Variants in KCNIP1 observed in about 807,000 individuals in gnomAD.
KCNIP1 encodes potassium voltage-gated channel interacting protein 1.
In KCNIP1, 18 loss-of-function variants were observed where a neutral mutation model predicts 33.0. The observed-to-expected ratio is 0.55, with a 90% CI of 0.38 to 0.81. KCNIP1 has a LOEUF of 0.81. Ranked by LOEUF, KCNIP1 falls within the 30% of genes least tolerant of loss-of-function variation. The pLI, the probability that KCNIP1 is intolerant of heterozygous loss-of-function variation, is 0.00. For missense variants in KCNIP1, 238 were observed against 271.6 expected (o/e 0.88, Z 0.87); for synonymous variants, 93 against 98.3 (o/e 0.95, Z 0.32).
At chr5:170,425,044 C>T (rs1239983892) in intron 1 of KCNIP1, among the ~76,000 whole-genome samples, 1 of 152,204 alleles carries the variant, frequency 6.6e-6, no homozygotes. Context: ...GTCACTTCCT[C>T]AGAAAGGCCC....
At chr5:170,584,833 C>T (rs903109516) in intron 1 of KCNIP1, among the ~76,000 whole-genome samples, 1 of 152,144 alleles carries the variant, frequency 6.6e-6, no homozygotes, top group African/African-American at 2.4e-5. Context: ...CACATTCCTC[C>T]CCACAGTCTC....
chr5:170,519,670 G>A (rs533115656), intron 1 of KCNIP1, among the ~76,000 whole-genome samples: 2 of 152,280 alleles, frequency 1.3e-5, no homozygotes, highest in East Asian at 3.9e-4. Context: ...AGAGCTGCCT[G>A]CAGCCTTTAT....
At chr5:170,472,433 A>T (rs572652097) in intron 1 of KCNIP1, among the ~76,000 whole-genome samples, 54 of 152,244 alleles carry the variant, frequency 3.5e-4, no homozygotes, top group African/African-American at 1.2e-3. Flanking sequence ...TTTTTAAAAA[A>T]TTTTATTTTT....
chr5:170,651,469 C>T (rs2113722555), intron 1 of KCNIP1, among the ~76,000 whole-genome samples: 1 of 152,234 alleles, frequency 6.6e-6, no homozygotes, highest in Admixed American at 6.5e-5. Flanking sequence ...TTATATCTGA[C>T]CTCAAACCAA....
chr5:170,408,795 A>G (rs1373994718), intron 1 of KCNIP1, among the ~76,000 whole-genome samples: 1 of 152,202 alleles, frequency 6.6e-6, no homozygotes, highest in Non-Finnish European at 1.5e-5. Flanking sequence ...AAAAGAAAAA[A>G]GAATGCACAG....
rs188805575 is a variant in KCNIP1, at chr5:170,417,478, C to T, written c.88+63514C>T. On this transcript the variant is annotated intron_variant, in intron 1 of 7. Coordinates refer to the KCNIP1 transcript ENST00000377360. ...TGCTTTGCTGGAACCTTCCATTTGTCCCAAATGCTCCACTCTCTGCCAATG... is the reference window on the plus strand; with the variant it reads ...TGCTTTGCTGGAACCTTCCATTTGTTCCAAATGCTCCACTCTCTGCCAATG... Among the ~76,000 whole-genome samples, 129 of 152,296 alleles carry T rather than the reference C, an allele frequency of 8.5e-4. No homozygotes were observed. In the Middle Eastern group the frequency reaches 0.014, roughly 16 times the overall value.
chr5:170,597,829 A>ATATATATATATG (rs1758498959), intron 1 of KCNIP1, among the ~76,000 whole-genome samples: 1 of 147,388 alleles, frequency 6.8e-6, no homozygotes, highest in Admixed American at 6.7e-5. Flanking sequence ...ATATATATAT[A>ATATATATATATG]TGAAAGAAAG....
At chr5:170,465,352 C>T (rs1756586439) in intron 1 of KCNIP1, among the ~76,000 whole-genome samples, 1 of 152,190 alleles carries the variant, frequency 6.6e-6, no homozygotes, top group African/African-American at 2.4e-5. Context: ...TCTTTCCATC[C>T]TCCTTCCCTT....
At chr5:170,554,082 G>T (rs908358139) in intron 1 of KCNIP1, among the ~76,000 whole-genome samples, 1 of 152,156 alleles carries the variant, frequency 6.6e-6, no homozygotes, top group Non-Finnish European at 1.5e-5. Context: ...GCCCTGTATG[G>T]CCAGCTCTTC....
At chr5:170,463,116 TGAAAATAAA>T (rs1298276604) in intron 1 of KCNIP1, among the ~76,000 whole-genome samples, 1 of 151,770 alleles carries the variant, frequency 6.6e-6, no homozygotes, top group Admixed American at 6.6e-5. Flanking sequence ...CAATAACCTA[TGAAAATAAA>T]AAAAATAAAA....
At chr5:170,643,397 G>A (rs1205448937) in intron 1 of KCNIP1, among the ~76,000 whole-genome samples, 1 of 152,178 alleles carries the variant, frequency 6.6e-6, no homozygotes, top group African/African-American at 2.4e-5. Flanking sequence ...AGCGCTATGA[G>A]AAACCAAAAC....
At chr5:170,542,266 A>G (rs1254290607) in intron 1 of KCNIP1, among the ~76,000 whole-genome samples, 3 of 152,320 alleles carry the variant, frequency 2.0e-5, no homozygotes, top group African/African-American at 7.2e-5. Context: ...CAAAATTAAC[A>G]GCTTGGTTTG....
chr5:170,371,604 T>C (rs1258390802), intron 1 of KCNIP1, among the ~76,000 whole-genome samples: 1 of 152,178 alleles, frequency 6.6e-6, no homozygotes, highest in Admixed American at 6.5e-5. Context: ...CATTGGCTCA[T>C]TGGTGAAATG....
At chr5:170,398,191 TC>T (rs1168360417) in intron 1 of KCNIP1, among the ~76,000 whole-genome samples, 58 of 152,218 alleles carry the variant, frequency 3.8e-4, no homozygotes, top group Non-Finnish European at 1.5e-5. Flanking sequence ...AACCAGTTTT[TC>T]AGGTTACTTT....
At chr5:170,435,567 CAGG>C (rs1755843866) in intron 1 of KCNIP1, among the ~76,000 whole-genome samples, 1 of 152,166 alleles carries the variant, frequency 6.6e-6, no homozygotes, top group Non-Finnish European at 1.5e-5. Context: ...CATTCTCTCC[CAGG>C]AGGAGAAGGC....
At chr5:170,714,557 G>A (rs1277853277) in intron 1 of KCNIP1, among the ~76,000 whole-genome samples, 3 of 152,178 alleles carry the variant, frequency 2.0e-5, no homozygotes, top group Non-Finnish European at 4.4e-5. Context: ...ATACACAATT[G>A]TGGTCCCATA....
At position 170,409,523 on chromosome 5, in the gene KCNIP1, G is replaced by A. The variant is rs188055458; in HGVS notation, c.88+55559G>A. ...TGAATAAGTTCACAGAGGCAGGGTT[G>A]TGCAGTAGTGACACGCACAGGCTCT... On this transcript the variant is annotated intron_variant, in intron 1 of 7. Transcript: ENST00000377360. Among the ~76,000 whole-genome samples, 6 of 152,332 alleles carry A rather than the reference G, an allele frequency of 3.9e-5. No homozygotes were observed. In the East Asian group the frequency reaches 1.2e-3, roughly 29 times the overall value.
chr5:170,626,866 G>A (rs1204432229), intron 1 of KCNIP1, among the ~76,000 whole-genome samples: 4 of 113,944 alleles, frequency 3.5e-5, no homozygotes, highest in African/African-American at 1.4e-4. Flanking sequence ...GAGCCTGGGT[G>A]GGCAGCAGGC....
chr5:170,565,242 A>C (rs1388233469), intron 1 of KCNIP1, among the ~76,000 whole-genome samples: 1 of 152,096 alleles, frequency 6.6e-6, no homozygotes, highest in Non-Finnish European at 1.5e-5. Context: ...GGGGACAGCT[A>C]GTTCCAGTTA....
Sources: allele counts gnomAD v4.1 joint callset (sites outside exome capture counted in the v4.1 genomes callset), GRCh38; gene constraint gnomAD v4.1.1; transcripts MANE v1.5; gene names NCBI Gene and HGNC (gene_info 2026-07-23, HGNC 2026-07-21).